ZFPM2: variants seen among roughly 807,000 people sequenced by gnomAD.
The protein encoded by ZFPM2 is zinc finger protein ZFPM2.
ZFPM2 carries 20 observed loss-of-function variants against 98.6 expected under a neutral mutation model. That is an observed-to-expected ratio of 0.20 (90% confidence interval 0.14 to 0.29). The LOEUF is 0.29. Ranked by LOEUF, ZFPM2 falls within the 10% of genes least tolerant of loss-of-function variation. ZFPM2 has a pLI of 1.00. For missense variants in ZFPM2, 1,310 were observed against 1,388.6 expected (o/e 0.94, Z 0.90); for synonymous variants, 518 against 502.7 (o/e 1.03, Z -0.41).
At chr8:105,426,127 C>A (rs1224277266) in intron 2 of ZFPM2, among the ~76,000 whole-genome samples, 1 of 152,098 alleles carries the variant, frequency 6.6e-6, no homozygotes, top group East Asian at 1.9e-4. Context: ...CTACCATAAT[C>A]ACTTTGAGTT....
chr8:105,687,552 C>CAACACATATATA (rs1810769722), intron 5 of ZFPM2, among the ~76,000 whole-genome samples: 2 of 152,080 alleles, frequency 1.3e-5, no homozygotes, highest in African/African-American at 4.8e-5. Flanking sequence ...AAACCCAGAA[C>CAACACATATATA]AACACATATA....
At chr8:105,712,892 CT>C (rs1440743645) in intron 5 of ZFPM2, among the ~76,000 whole-genome samples, 2 of 152,116 alleles carry the variant, frequency 1.3e-5, no homozygotes, top group East Asian at 1.9e-4. Flanking sequence ...TGATATCATT[CT>C]TTTTTTATGG....
At chr8:105,342,998 C>T (rs1413445226) in intron 1 of ZFPM2, among the ~76,000 whole-genome samples, 1 of 151,884 alleles carries the variant, frequency 6.6e-6, no homozygotes, top group African/African-American at 2.4e-5. Flanking sequence ...ATACTACATG[C>T]CTGAAAACAT....
intron 5 of ZFPM2, among the ~76,000 whole-genome samples, chr8:105,768,551 T>G (rs570447306): frequency 6.6e-6 from 1 of 152,096 alleles, no homozygotes; most frequent in East Asian, 1.9e-4. Context: ...GAGAGTCTTC[T>G]GGGCTTGTTA....
intron 1 of ZFPM2, among the ~76,000 whole-genome samples, chr8:105,397,200 G>A (rs1466492206): frequency 5.9e-5 from 9 of 151,886 alleles, no homozygotes; most frequent in South Asian, 4.2e-4. Context: ...TACCAGCATA[G>A]CAATCCTCAA....
At chr8:105,609,411 T>C (rs1816260944) in intron 4 of ZFPM2, among the ~76,000 whole-genome samples, 1 of 152,118 alleles carries the variant, frequency 6.6e-6, no homozygotes, top group Admixed American at 6.6e-5. Context: ...CTAGAAAGGT[T>C]TGGAAGGGGA....
chr8:105,539,500 G>A (rs1814530269), intron 3 of ZFPM2, among the ~76,000 whole-genome samples: 1 of 152,140 alleles, frequency 6.6e-6, no homozygotes, highest in South Asian at 2.1e-4. Flanking sequence ...TTTCATTGCA[G>A]TGCCTACACA....
intron 4 of ZFPM2, among the ~76,000 whole-genome samples, chr8:105,608,580 G>GTTTTTTTTTTTTTTTTTTTTTTTTT (rs397978197): frequency 9.2e-6 from 1 of 108,748 alleles, no homozygotes; most frequent in Non-Finnish European, 1.8e-5. Flanking sequence ...AACACCAAGA[G>GTTTTTTTTTTTTTTTTTTTTTTTTT]TTTTTTTTTT....
intron 3 of ZFPM2, 39 bp from the exon 4 acceptor site, chr8:105,561,324 A>AGT (rs1330566884): frequency 6.6e-7 from 1 of 1,516,038 alleles, no homozygotes; most frequent in South Asian, 1.1e-5. Context: ...GATAAAGTAC[A>AGT]AGTAAGTATT....
intron 5 of ZFPM2, among the ~76,000 whole-genome samples, chr8:105,777,837 T>C (rs1813139297): frequency 6.6e-6 from 1 of 152,202 alleles, no homozygotes; most frequent in Non-Finnish European, 1.5e-5. Context: ...AATACATTTA[T>C]AAGCAATTTT....
intron 3 of ZFPM2, among the ~76,000 whole-genome samples, chr8:105,494,858 G>T (rs1309018746): frequency 6.6e-6 from 1 of 152,124 alleles, no homozygotes; most frequent in Non-Finnish European, 1.5e-5. Flanking sequence ...GCAAATAAAA[G>T]GATACCATGT....
At chr8:105,670,791 A>G (rs1367561241) in intron 5 of ZFPM2, among the ~76,000 whole-genome samples, 1 of 152,220 alleles carries the variant, frequency 6.6e-6, no homozygotes, top group East Asian at 1.9e-4. Flanking sequence ...CCGGACCCAT[A>G]GAGACTACCT....
intron 4 of ZFPM2, among the ~76,000 whole-genome samples, chr8:105,614,962 T>C (rs777985136): frequency 2.0e-5 from 3 of 152,196 alleles, no homozygotes; most frequent in Non-Finnish European, 2.9e-5. Context: ...GAATTTACTT[T>C]AGGGTTACTT....
chr8:105,485,216 G>C (rs761523346), intron 3 of ZFPM2, among the ~76,000 whole-genome samples: 4 of 152,146 alleles, frequency 2.6e-5, no homozygotes, highest in Non-Finnish European at 5.9e-5. Flanking sequence ...ACCAACGACA[G>C]AGTCCAACAG....
chr8:105,523,390 C>T (rs1814104483), intron 3 of ZFPM2, among the ~76,000 whole-genome samples: 1 of 152,140 alleles, frequency 6.6e-6, no homozygotes, highest in Non-Finnish European at 1.5e-5. Flanking sequence ...GATTTCCAAA[C>T]CACTAGCTGG....
At chr8:105,521,407 G>T (rs1293518778) in intron 3 of ZFPM2, among the ~76,000 whole-genome samples, 1 of 58,958 alleles carries the variant, frequency 1.7e-5, no homozygotes, top group Non-Finnish European at 2.8e-5. Flanking sequence ...ATTAAGGGGG[G>T]AGGGGGGGAG....
In ZFPM2 at chr8:105,348,096, A is replaced by G. The variant is rs1001981691; in HGVS notation, c.40+29115A>G. On this transcript the variant is annotated intron_variant, in intron 1 of 7. Coordinates refer to ENST00000407775, the MANE Select transcript of ZFPM2 (RefSeq NM_012082.4). ...CTGATAGAAGCAAGTTCTAACAGTT[A>G]TTTCTTTGCTTGACCATTTTGTTGG... 7.2e-5 allele frequency among the ~76,000 whole-genome samples: 11 copies of G among 152,248 alleles called. 1 individual carries two copies. Among genetic ancestry groups the G allele is most frequent in the African/African-American group, 1.7e-4 (7 of 41,552 alleles).
At chr8:105,340,390 T>C (rs944821434) in intron 1 of ZFPM2, among the ~76,000 whole-genome samples, 2 of 151,914 alleles carry the variant, frequency 1.3e-5, no homozygotes, top group Admixed American at 1.3e-4. Context: ...AGTCATGGGA[T>C]TTATCACACA....
chr8:105,715,421 A>G (rs1035942444), intron 5 of ZFPM2, among the ~76,000 whole-genome samples: 1 of 151,786 alleles, frequency 6.6e-6, no homozygotes, highest in Admixed American at 6.6e-5. Flanking sequence ...AAAAAAAAAA[A>G]AAAAGAGAGA....
Sources: allele counts gnomAD v4.1 joint callset (sites outside exome capture counted in the v4.1 genomes callset), GRCh38; gene constraint gnomAD v4.1.1; transcripts MANE v1.5; gene names NCBI Gene and HGNC (gene_info 2026-07-23, HGNC 2026-07-21).